CDH13: variants seen among roughly 807,000 people sequenced by gnomAD.
The protein encoded by CDH13 is cadherin-13.
A neutral mutation model predicts 63.8 loss-of-function variants in CDH13; 24 were observed. That is an observed-to-expected ratio of 0.38 (90% CI 0.27 to 0.53). The LOEUF (loss-of-function observed/expected upper bound fraction) is 0.53, where lower values mean the gene tolerates loss of function less well. Among genes scored for constraint, CDH13 ranks in the 20% least tolerant of loss-of-function variants. The pLI, the probability that CDH13 is intolerant of heterozygous loss-of-function variation, is 0.85. For synonymous variants in CDH13, 503 were observed against 355.3 expected, an observed-to-expected ratio of 1.42 and a Z score of -4.67; for missense variants, 1,049 against 903.1, an observed-to-expected ratio of 1.16 and a Z score of -2.07.
intron 6 of CDH13, among the ~76,000 whole-genome samples, chr16:83,363,746 A>C (rs754628437): frequency 5.9e-5 from 9 of 152,176 alleles, no homozygotes; most frequent in Non-Finnish European, 1.2e-4. Context: ...GATCCTTTGG[A>C]ACGGCAGCTC....
At chr16:83,673,979 C>G (rs1448220653) in intron 9 of CDH13, among the ~76,000 whole-genome samples, 1 of 152,188 alleles carries the variant, frequency 6.6e-6, no homozygotes, top group African/African-American at 2.4e-5. Flanking sequence ...TCCCTCACCC[C>G]ACATTGGCTG....
At chr16:83,120,842 C>T (rs751764041) in intron 3 of CDH13, among the ~76,000 whole-genome samples, 2 of 144,998 alleles carry the variant, frequency 1.4e-5, no homozygotes, top group Non-Finnish European at 3.0e-5. Flanking sequence ...CAGCTCACTG[C>T]AACTTCCATC....
rs575388403 is a variant in CDH13 at position 83,071,077 on chromosome 16, C to A, written c.366+38859C>A. ...ACTGAAGGCTCTCCTAGGCATGAGACACCATGCCTCTTACTGTGATTTATT... is the reference window on the plus strand; with the variant it reads ...ACTGAAGGCTCTCCTAGGCATGAGAAACCATGCCTCTTACTGTGATTTATT... On this transcript the variant is annotated intron_variant, in intron 3 of 13. Coordinates refer to ENST00000567109, the MANE Select transcript of CDH13 (RefSeq NM_001257.5). 3.1e-4 allele frequency among the ~76,000 whole-genome samples: 47 copies of A among 152,198 alleles called. 1 individual carries two copies. In the South Asian group the frequency reaches 9.4e-3, roughly 30 times the overall value.
At chr16:83,753,826 T>A (rs369151) in intron 11 of CDH13, among the ~76,000 whole-genome samples, 39,769 of 151,644 alleles carry the variant, frequency 0.26, 5,725 homozygotes, top group Non-Finnish European at 0.34. Flanking sequence ...AAAAATCTAG[T>A]TAAATTATAA....
At chr16:83,470,247 G>A (rs758155141) in intron 6 of CDH13, among the ~76,000 whole-genome samples, 6 of 152,092 alleles carry the variant, frequency 3.9e-5, no homozygotes, top group Non-Finnish European at 7.4e-5. Context: ...TTAGAGAAAG[G>A]TGTCTCACCA....
intron 5 of CDH13, among the ~76,000 whole-genome samples, chr16:83,270,323 G>C (rs921259269): frequency 6.6e-6 from 1 of 152,116 alleles, no homozygotes; most frequent in Non-Finnish European, 1.5e-5. Context: ...TGGAGAAGTC[G>C]ACAGACTCAG....
intron 7 of CDH13, among the ~76,000 whole-genome samples, chr16:83,527,984 A>G (rs1188508809): frequency 4.6e-5 from 7 of 152,208 alleles, no homozygotes; most frequent in African/African-American, 1.7e-4. Flanking sequence ...GTGACTTTCT[A>G]AGGGCACGCA....
intron 11 of CDH13, among the ~76,000 whole-genome samples, chr16:83,759,288 C>T (rs1913760764): frequency 6.6e-6 from 1 of 152,102 alleles, no homozygotes; most frequent in South Asian, 2.1e-4. Context: ...CACAGCAGTG[C>T]AGGTGAGAAA....
intron 4 of CDH13, among the ~76,000 whole-genome samples, chr16:83,142,929 C>T (rs1266724576): frequency 6.6e-6 from 1 of 152,126 alleles, no homozygotes; most frequent in Non-Finnish European, 1.5e-5. Flanking sequence ...CATGAAGAAA[C>T]CCCGTATGTA....
intron 4 of CDH13, among the ~76,000 whole-genome samples, chr16:83,191,616 A>C (rs932076393): frequency 6.7e-6 from 1 of 149,198 alleles, no homozygotes; most frequent in Non-Finnish European, 1.5e-5. Flanking sequence ...CATGATCACA[A>C]GGTCCCACAA....
Position 83,171,601 on chromosome 16 carries a change from C to T in CDH13, c.484-45744C>T, listed in dbSNP as rs532253515. 48 of 1,503,618 alleles carry T rather than the reference C, an allele frequency of 3.2e-5. No homozygotes were observed. The African/African-American group carries it at 4.8e-4, about 15-fold the overall frequency. The allele number at this position is 1,503,618 out of a possible 1,614,324, so 93.1% of individuals were successfully genotyped here. Reference sequence around the variant, plus strand: ...ACAGGAAATTTTGAAATATCTGTGTCTCTATCTTCATTTCCTTGTTTGTGT... The same window carrying T: ...ACAGGAAATTTTGAAATATCTGTGTTTCTATCTTCATTTCCTTGTTTGTGT... On this transcript the variant is annotated intron_variant, in intron 4 of 13. Coordinates refer to ENST00000567109, the MANE Select transcript of CDH13 (RefSeq NM_001257.5).
At chr16:83,173,396 C>G (rs1376264687) in intron 4 of CDH13, among the ~76,000 whole-genome samples, 2 of 152,118 alleles carry the variant, frequency 1.3e-5, no homozygotes, top group African/African-American at 2.4e-5. Context: ...CTTAGGGAAT[C>G]TCTGAGAGTG....
intron 7 of CDH13, among the ~76,000 whole-genome samples, chr16:83,591,485 G>C (rs968779443): frequency 6.6e-6 from 1 of 152,208 alleles, no homozygotes; most frequent in Non-Finnish European, 1.5e-5. Context: ...GTTCCTTGAA[G>C]GTAGGGCAGG....
At chr16:83,656,084 C>G (rs1388149230) in intron 8 of CDH13, among the ~76,000 whole-genome samples, 1 of 152,180 alleles carries the variant, frequency 6.6e-6, no homozygotes. Flanking sequence ...TGGTCATTCT[C>G]CATTCCCACC....
rs1917878731 is a variant in CDH13 at position 83,047,242 on chromosome 16, T to G, written c.366+15024T>G. 6.6e-6 allele frequency among the ~76,000 whole-genome samples: 1 copy of G among 152,070 alleles called. No homozygotes were observed. Among genetic ancestry groups the G allele is most frequent in the Non-Finnish European group, 1.5e-5 (1 of 68,004 alleles). ...CTTACTCCAGAGGCCTGTGTATTTATTTATTTATTTATTTTTTTGGTAAAG... is the reference window on the plus strand; with the variant it reads ...CTTACTCCAGAGGCCTGTGTATTTAGTTATTTATTTATTTTTTTGGTAAAG... On this transcript the variant is annotated intron_variant, in intron 3 of 13. Transcript: ENST00000567109. This position sits in a 1 kb window ranked among gnomAD's most constrained non-coding sequence, Gnocchi z 4.9.
chr16:83,494,758 C>T (rs2074096869), intron 7 of CDH13, among the ~76,000 whole-genome samples: 2 of 152,212 alleles, frequency 1.3e-5, no homozygotes, highest in African/African-American at 4.8e-5. Context: ...ATGATGACAT[C>T]TCAAAATGCC....
At chr16:82,920,239 C>T (rs1313774047) in intron 2 of CDH13, among the ~76,000 whole-genome samples, 11 of 152,282 alleles carry the variant, frequency 7.2e-5, no homozygotes, top group Non-Finnish European at 1.2e-4. Context: ...ATTCCCCATG[C>T]GTCACCCCTT....
At chr16:83,633,192 ACCT>A (rs1910936733) in intron 8 of CDH13, among the ~76,000 whole-genome samples, 1 of 151,656 alleles carries the variant, frequency 6.6e-6, no homozygotes, top group Non-Finnish European at 1.5e-5. Context: ...GAATGCCTCA[ACCT>A]CCTGACAATG....
chr16:83,236,126 C>T (rs1567528410), intron 5 of CDH13, among the ~76,000 whole-genome samples: 1 of 151,940 alleles, frequency 6.6e-6, no homozygotes, highest in African/African-American at 2.4e-5. Flanking sequence ...TCTACTTCTC[C>T]CTAGTTTGTG....
Sources: gnomAD v4.1 joint callset for allele counts (sites outside exome capture counted in the v4.1 genomes callset) on GRCh38, gnomAD v4.1.1 for gene constraint, Gnocchi (gnomAD v3.1) non-coding constraint, MANE v1.5 for transcripts, NCBI Gene and HGNC (gene_info 2026-07-23, HGNC 2026-07-21) for gene names.